Variants in HK3 observed in about 807,000 individuals in gnomAD.
HK3 encodes the protein hexokinase-3.
In HK3, 93 loss-of-function variants were observed where a neutral mutation model predicts 91.0. The observed-to-expected ratio is 1.02, with a 90% CI of 0.86 to 1.21. The LOEUF is 1.21. HK3 is among the 50% of genes most tolerant of loss of function. The pLI, the probability that HK3 is intolerant of heterozygous loss-of-function variation, is 0.00. For synonymous variants in HK3, 519 were observed against 516.9 expected (o/e 1.00, Z -0.06); for missense variants, 1,235 against 1,247.4 (o/e 0.99, Z 0.15).
In HK3 at chr5:176,889,730, G is replaced by T. The variant is rs751683654; in HGVS notation, c.645C>A (p.Asp215Glu). 6.2e-7 allele frequency: 1 copy of T among 1,614,042 alleles called. No homozygotes were observed. The highest frequency in any genetic ancestry group is 8.5e-7 in the Non-Finnish European group (1 of 1,180,008). ...CTGTGTCGTTCACCACAGCAACCAC[G>T]TCGATGTTGTAGGCCTAGATGATGA... ...AIRRQGAYNI[D>E]VVAVVNDTVG... Residue 215 changes from aspartate (D) to glutamate (E), a missense_variant, in exon 7 of 19, where the codon GAC becomes GAA. Asp to Glu is a conservative substitution (Grantham distance 45). Around this residue, in one of 3 missense-constraint regions of HK3, gnomAD observed 717 missense variants for 751.6 expected, o/e 0.95. Transcript: ENST00000292432.
chr5:176,896,122 T>TC lies in HK3; in HGVS notation c.37dup (p.Glu13GlyfsTer8). 1 of 1,612,074 alleles carries TC rather than the reference T, an allele frequency of 6.2e-7. No individual in the cohort carries two copies. The highest frequency in any genetic ancestry group is 2.2e-5 in the East Asian group (1 of 44,822). On this transcript the variant is annotated frameshift_variant, in exon 2 of 19. Transcript: ENST00000292432. LOFTEE classifies it high-confidence loss of function. ...CTCCTCAGAGCAACTCAGGGTTTCTTCCCCCTGCCGCAACCCTGAAGACCC... is the reference window on the plus strand; with the variant it reads ...CTCCTCAGAGCAACTCAGGGTTTCTTCCCCCCTGCCGCAACCCTGAAGACCC...
At chr5:176,892,218 A>T (rs2149377358) in intron 2 of HK3, among the ~76,000 whole-genome samples, 1 of 152,366 alleles carries the variant, frequency 6.6e-6, no homozygotes, top group East Asian at 1.9e-4. Flanking sequence ...TGGTTCCAGT[A>T]GTGATGGTGG....
intron 2 of HK3, among the ~76,000 whole-genome samples, chr5:176,892,318 T>C (rs1758799280): frequency 6.6e-6 from 1 of 152,106 alleles, no homozygotes; most frequent in East Asian, 1.9e-4. Context: ...AGGGTTTCCC[T>C]GAGGAGGTGA....
At chr5:176,895,059 G>A (rs2149378326) in intron 2 of HK3, among the ~76,000 whole-genome samples, 1 of 149,914 alleles carries the variant, frequency 6.7e-6, no homozygotes, top group African/African-American at 2.5e-5. Flanking sequence ...TTACAGGCCT[G>A]AGCCACTGCG....
Position 176,880,970 on chromosome 5 carries a change from T to C in HK3, c.*103A>G. On this transcript the variant is annotated 3_prime_UTR_variant, in exon 19 of 19. Coordinates refer to ENST00000292432, the MANE Select transcript of HK3 (RefSeq NM_002115.3). ...GGCCGCAGAGGGGTCACACATGGGATGTCCCAGGAGTCCTGGGTGGCTGGG... is the reference window on the plus strand; with the variant it reads ...GGCCGCAGAGGGGTCACACATGGGACGTCCCAGGAGTCCTGGGTGGCTGGG... 1 of 1,335,542 alleles carries C rather than the reference T, an allele frequency of 7.5e-7. No individual in the cohort carries two copies. Among genetic ancestry groups the C allele is most frequent in the East Asian group, 2.5e-5 (1 of 39,764 alleles). The allele number at this position is 1,335,542 out of a possible 1,614,324, so 82.7% of individuals were successfully genotyped here.
chr5:176,885,284 G>A (rs1392165077), intron 13 of HK3, among the ~76,000 whole-genome samples: 1 of 152,206 alleles, frequency 6.6e-6, no homozygotes, highest in Admixed American at 6.5e-5. Flanking sequence ...AGTGCCCAAA[G>A]AGCAGGGCCC....
intron 1 of HK3, among the ~76,000 whole-genome samples, 160 bp from the exon 2 acceptor site, chr5:176,896,345 G>A (rs1176246839): frequency 2.0e-5 from 3 of 152,164 alleles, no homozygotes; most frequent in South Asian, 4.1e-4. Flanking sequence ...CAGTCAACCA[G>A]AAGGCCCTTG....
intron 13 of HK3, among the ~76,000 whole-genome samples, chr5:176,886,668 G>A (rs1758591883): frequency 6.6e-6 from 1 of 152,136 alleles, no homozygotes; most frequent in Non-Finnish European, 1.5e-5. Context: ...AAAACCCCAA[G>A]CGACCTCAAG....
At chr5:176,889,024 G>T (rs901673012) in intron 8 of HK3, among the ~76,000 whole-genome samples, 160 bp from the exon 9 acceptor site, 2 of 152,218 alleles carry the variant, frequency 1.3e-5, no homozygotes, top group Non-Finnish European at 2.9e-5. Flanking sequence ...GTGGGTGTAT[G>T]CCCAGACCCC....
In HK3 at chr5:176,898,263, A is replaced by G. The variant is rs761355787; in HGVS notation, c.-27+1004T>C. The stretch of plus-strand genomic sequence containing the variant: ...GGCCGGCACAGGGTCTGGTATAGGT[A>G]TGTGCTAATGTGCCTTTCCAAAATT... On this transcript the variant is annotated intron_variant, in intron 1 of 18. Transcript: ENST00000292432. 1.1e-3 allele frequency among the ~76,000 whole-genome samples: 162 copies of G among 152,196 alleles called. 2 individuals carry two copies. Among genetic ancestry groups the G allele is most frequent in the Non-Finnish European group, 2.9e-4 (20 of 68,024 alleles).
chr5:176,883,745 C>A, intron 15 of HK3, 25 bp downstream of exon 15: 1 of 1,570,000 alleles, frequency 6.4e-7, no homozygotes, highest in South Asian at 1.1e-5. Flanking sequence ...GCAGTAGGGG[C>A]ATGAAAGGGC....
intron 1 of HK3, among the ~76,000 whole-genome samples, chr5:176,898,308 A>C (rs1056149550): frequency 5.3e-5 from 8 of 152,202 alleles, no homozygotes; most frequent in African/African-American, 1.9e-4. Flanking sequence ...GGGAGTGGGT[A>C]GTTTTTTATT....
In HK3 at chr5:176,887,580, G is replaced by A. The variant is rs772190732; in HGVS notation, c.1471C>T (p.Arg491Trp). The A allele has an allele frequency of 1.7e-5, 27 of 1,613,778 alleles. No homozygotes were observed. The highest frequency in any genetic ancestry group is 8.0e-5 in the African/African-American group (6 of 74,930). Residue 491 changes from arginine to tryptophan, a missense_variant, in exon 11 of 19, where the codon CGG becomes TGG. Around this residue, in one of 3 missense-constraint regions of HK3, gnomAD observed 717 missense variants for 751.6 expected, o/e 0.95. Transcript: ENST00000292432. This position sits in a 1 kb window ranked among gnomAD's most constrained non-coding sequence, Gnocchi z 4.9. ...GCAGCCAGTTGATCATGGTTCAACC[G>A]GAATGGGGCCAGGGTCTCCTCCAGC... ...RLLEETLAPF[R>W]LNHDQLAAVQ...
rs563594883 is a variant in HK3 at position 176,884,296 on chromosome 5, G to A, written c.1858-162C>T. On this transcript the variant is annotated intron_variant, in intron 13 of 18. Coordinates refer to ENST00000292432, the MANE Select transcript of HK3 (RefSeq NM_002115.3). This position sits in a 1 kb window ranked among gnomAD's most constrained non-coding sequence, Gnocchi z 4.1. ...TGGTTGAAGGCCTTGCCCTCTGCCC[G>A]CTCCCTACTCCCCAGGAGGCTTTCG... Among the ~76,000 whole-genome samples the A allele has an allele frequency of 1.5e-4, 23 of 152,306 alleles. No homozygotes were observed. Among genetic ancestry groups the A allele is most frequent in the East Asian group, 1.2e-3 (6 of 5,180 alleles).
intron 2 of HK3, 136 bp downstream of exon 2, chr5:176,895,928 G>A (rs1758899654): frequency 8.3e-6 from 6 of 726,474 alleles, no homozygotes; most frequent in Admixed American, 2.2e-5. Context: ...AAAGGAGATC[G>A]TTACCAGCTC....
chr5:176,881,979 A>G lies in HK3; in HGVS notation c.2202T>C (p.Ser734=). 1 of 1,613,514 alleles carries G rather than the reference A, an allele frequency of 6.2e-7. No homozygotes were observed. Among genetic ancestry groups the G allele is most frequent in the Non-Finnish European group, 8.5e-7 (1 of 1,180,008 alleles). ...LAMLSTRFDA[S]VDQASINPGK... ...CGGGGTTGATGGACGCCTGGTCCAC[A>G]CTTGCATCAAAGCGGGTGCTGAGCA... The change falls in exon 16 of 19, where the codon AGT becomes AGC. Residue 734 remains serine (S), a synonymous_variant. Coordinates refer to ENST00000292432, the MANE Select transcript of HK3 (RefSeq NM_002115.3).
intron 1 of HK3, 141 bp from the exon 2 acceptor site, chr5:176,896,326 A>C: frequency 4.1e-6 from 2 of 482,364 alleles, no homozygotes; most frequent in Middle Eastern, 5.0e-4. Flanking sequence ...ACCATCAAAG[A>C]TCCTGTAGCA....
At chr5:176,898,689 A>T (rs1335237697) in intron 1 of HK3, among the ~76,000 whole-genome samples, 1 of 152,356 alleles carries the variant, frequency 6.6e-6, no homozygotes, top group South Asian at 2.1e-4. Context: ...GGGGAGGGAC[A>T]TGTCTCCTTC....
intron 15 of HK3, 87 bp downstream of exon 15, chr5:176,883,683 C>T (rs891708246): frequency 6.5e-5 from 70 of 1,072,728 alleles, no homozygotes; most frequent in Middle Eastern, 4.0e-4. Flanking sequence ...ACATCCCCAC[C>T]GCCAAGGAAA....
Sources: allele counts gnomAD v4.1 joint callset (sites outside exome capture counted in the v4.1 genomes callset), GRCh38; gene constraint gnomAD v4.1.1; regional missense constraint gnomAD v4.1.1; non-coding constraint Gnocchi (gnomAD v3.1); transcripts MANE v1.5; gene names NCBI Gene and HGNC (gene_info 2026-07-23, HGNC 2026-07-21).